MACROD2: variants seen among roughly 807,000 people sequenced by gnomAD.
MACROD2 encodes the protein mono-ADP ribosylhydrolase 2.
A neutral mutation model predicts 70.4 loss-of-function variants in MACROD2; 36 were observed. The ratio of observed to expected loss-of-function variants is 0.51; its 90% confidence interval spans 0.39 to 0.68. MACROD2 has a LOEUF of 0.68. Among genes scored for constraint, MACROD2 ranks in the 30% least tolerant of loss-of-function variants. The probability of loss-of-function intolerance (pLI) is 0.00; values close to 1 mark genes in which losing one functional copy is unlikely to be tolerated. For synonymous variants in MACROD2, 172 were observed against 178.8 expected, an observed-to-expected ratio of 0.96 and a Z score of 0.30; for missense variants, 496 against 538.4, an observed-to-expected ratio of 0.92 and a Z score of 0.78.
chr20:14,781,633 A>G (rs755863965), intron 5 of MACROD2, among the ~76,000 whole-genome samples: 5 of 151,604 alleles, frequency 3.3e-5, no homozygotes, highest in Non-Finnish European at 5.9e-5. Flanking sequence ...ATACTGATTT[A>G]TTTATATTTC....
chr20:15,127,792 G>T (rs1261443507), intron 5 of MACROD2, among the ~76,000 whole-genome samples: 1 of 152,006 alleles, frequency 6.6e-6, no homozygotes, highest in Non-Finnish European at 1.5e-5. Context: ...TATTCTATTG[G>T]TCACCCAGAC....
chr20:14,157,734 C>T (rs2055124152), intron 3 of MACROD2, among the ~76,000 whole-genome samples: 1 of 152,180 alleles, frequency 6.6e-6, no homozygotes. Context: ...CCTCTTCAAT[C>T]CATGTTGCTG....
chr20:15,221,246 C>T (rs556177462), intron 5 of MACROD2, among the ~76,000 whole-genome samples: 15 of 152,172 alleles, frequency 9.9e-5, no homozygotes, highest in Non-Finnish European at 2.2e-4. Context: ...ATCTTATTAT[C>T]ATCTTCCTTG....
At chr20:15,396,547 C>A (rs895055310) in intron 6 of MACROD2, among the ~76,000 whole-genome samples, 24 of 152,184 alleles carry the variant, frequency 1.6e-4, no homozygotes, top group African/African-American at 5.8e-4. Context: ...TTAGTATAAT[C>A]TTATTTTAAG....
At chr20:15,326,585 C>G (rs989804005) in intron 6 of MACROD2, among the ~76,000 whole-genome samples, 4 of 152,128 alleles carry the variant, frequency 2.6e-5, no homozygotes, top group Non-Finnish European at 4.4e-5. Context: ...ATGCTTCTAT[C>G]TGTCTTGGCT....
intron 5 of MACROD2, among the ~76,000 whole-genome samples, chr20:15,181,596 T>C (rs1443323182): frequency 6.6e-6 from 1 of 152,218 alleles, no homozygotes; most frequent in Non-Finnish European, 1.5e-5. Context: ...TATAACCTTT[T>C]TTTGCTAATT....
At chr20:16,019,482 C>T (rs915695366) in intron 15 of MACROD2, among the ~76,000 whole-genome samples, 2 of 152,196 alleles carry the variant, frequency 1.3e-5, no homozygotes, top group East Asian at 1.9e-4. Context: ...TGCCATCATG[C>T]ACCCACATTC....
At chr20:15,801,421 G>C (rs1224225451) in intron 8 of MACROD2, among the ~76,000 whole-genome samples, 1 of 151,508 alleles carries the variant, frequency 6.6e-6, no homozygotes, top group East Asian at 1.9e-4. Flanking sequence ...GAACTCTGGG[G>C]TCCTGAAACT....
At chr20:15,636,209 A>G (rs2049366739) in intron 8 of MACROD2, among the ~76,000 whole-genome samples, 1 of 152,048 alleles carries the variant, frequency 6.6e-6, no homozygotes. Flanking sequence ...TCTATTCAAC[A>G]TTTTAGAAAT....
At chr20:14,627,952 C>T (rs1262759060) in intron 4 of MACROD2, among the ~76,000 whole-genome samples, 1 of 152,100 alleles carries the variant, frequency 6.6e-6, no homozygotes, top group Non-Finnish European at 1.5e-5. Context: ...ATTAATAGAA[C>T]ATAATGTGGG....
At chr20:15,070,420 A>G (rs1247828504) in intron 5 of MACROD2, among the ~76,000 whole-genome samples, 1 of 152,086 alleles carries the variant, frequency 6.6e-6, no homozygotes, top group East Asian at 1.9e-4. Context: ...AGGACATGAA[A>G]TTTGGGGGAT....
chr20:14,631,276 G>T (rs1984491581), intron 4 of MACROD2, among the ~76,000 whole-genome samples: 3 of 152,126 alleles, frequency 2.0e-5, no homozygotes, highest in Admixed American at 2.0e-4. Flanking sequence ...TGATAAGGAA[G>T]TCGTCTCTGT....
At chr20:14,049,027 G>A (rs1319872733) in intron 2 of MACROD2, among the ~76,000 whole-genome samples, 1 of 152,094 alleles carries the variant, frequency 6.6e-6, no homozygotes, top group Non-Finnish European at 1.5e-5. Context: ...CACAGGAATG[G>A]ATGGATATTT....
chr20:14,434,216 G>A, intron 3 of MACROD2, among the ~76,000 whole-genome samples: 1 of 152,106 alleles, frequency 6.6e-6, no homozygotes, highest in East Asian at 1.9e-4. Context: ...GACGTTACTT[G>A]TAAAGCAAAG....
At chr20:14,390,059 C>T (rs2083510685) in intron 3 of MACROD2, among the ~76,000 whole-genome samples, 1 of 152,162 alleles carries the variant, frequency 6.6e-6, no homozygotes, top group African/African-American at 2.4e-5. Flanking sequence ...TCTTAGGATA[C>T]AAAATCAATG....
At chr20:15,463,931 T>C (rs971688323) in intron 7 of MACROD2, among the ~76,000 whole-genome samples, 6 of 152,184 alleles carry the variant, frequency 3.9e-5, no homozygotes, top group African/African-American at 1.4e-4. Flanking sequence ...TCAAGACAAA[T>C]TGATGATTGA....
chr20:15,583,843 T>C (rs1227163452), intron 8 of MACROD2, among the ~76,000 whole-genome samples: 1 of 152,150 alleles, frequency 6.6e-6, no homozygotes, highest in Non-Finnish European at 1.5e-5. Flanking sequence ...GGTTTCACCA[T>C]GTTGGCCAGG....
At chr20:14,545,927 C>T (rs1177328596) in intron 4 of MACROD2, among the ~76,000 whole-genome samples, 1 of 152,162 alleles carries the variant, frequency 6.6e-6, no homozygotes, top group African/African-American at 2.4e-5. Flanking sequence ...ATGTTCTAGA[C>T]ACTTAACAAA....
At chr20:14,280,284 G>A (rs947373343) in intron 3 of MACROD2, among the ~76,000 whole-genome samples, 3 of 152,068 alleles carry the variant, frequency 2.0e-5, no homozygotes, top group South Asian at 2.1e-4. Context: ...CACATTCGTA[G>A]TTACTTAAAG....
Sources: allele counts gnomAD v4.1 joint callset (sites outside exome capture counted in the v4.1 genomes callset), GRCh38; gene constraint gnomAD v4.1.1; transcripts MANE v1.5; gene names NCBI Gene and HGNC (gene_info 2026-07-23, HGNC 2026-07-21).